The following PLXNA4 variants were observed in gnomAD, a reference collection of about 807,000 sequenced individuals.
PLXNA4 encodes plexin-A4.
Under a neutral mutation model 191.8 loss-of-function variants are expected in PLXNA4, and 44 were observed. That is an observed-to-expected ratio of 0.23 (90% CI 0.18 to 0.29). The LOEUF (loss-of-function observed/expected upper bound fraction) is 0.29. PLXNA4 is among the 10% of genes least tolerant of loss of function. The pLI is 1.00. For synonymous variants in PLXNA4, 1,082 were observed against 1,009.5 expected, an observed-to-expected ratio of 1.07 and a Z score of -1.36; for missense variants, 1,800 against 2,488.8, an observed-to-expected ratio of 0.72 and a Z score of 5.89.
intron 1 of PLXNA4, among the ~76,000 whole-genome samples, chr7:132,563,504 CCTCCTCCTCCTGCTG>C (rs1420182236): frequency 0.22 from 15,566 of 71,544 alleles, 3,661 homozygotes; most frequent in Non-Finnish European, 0.37. Flanking sequence ...TTCTCCTCCT[CCTCCTCCTCCTGCTG>C]CTCCTCCTCC....
chr7:132,417,389 C>T (rs1341565958), intron 3 of PLXNA4, among the ~76,000 whole-genome samples: 2 of 152,150 alleles, frequency 1.3e-5, no homozygotes, highest in Non-Finnish European at 2.9e-5. Flanking sequence ...ACCCTTGCTT[C>T]GTGGTTGTTC....
chr7:132,186,037 T>C (rs951545810), intron 15 of PLXNA4, among the ~76,000 whole-genome samples: 1 of 152,226 alleles, frequency 6.6e-6, no homozygotes, highest in Non-Finnish European at 1.5e-5. Context: ...TTAACACTAC[T>C]GATGCCAGGC....
At chr7:132,358,430 G>T (rs1803798671) in intron 3 of PLXNA4, among the ~76,000 whole-genome samples, 2 of 152,206 alleles carry the variant, frequency 1.3e-5, no homozygotes, top group South Asian at 4.1e-4. Flanking sequence ...TGTAGCTAGA[G>T]AGCAGTAGCT....
chr7:132,127,433 A>C lies in PLXNA4; in HGVS notation c.*3046T>G, dbSNP rs933157800. ...ACAGCCCCTGGATGTTTGCTCTGCCAGTGGGGTAAGGAAGATCCCTGGGGG... is the reference window on the plus strand; with the variant it reads ...ACAGCCCCTGGATGTTTGCTCTGCCCGTGGGGTAAGGAAGATCCCTGGGGG... On this transcript the variant is annotated 3_prime_UTR_variant, in exon 32 of 32. Transcript: ENST00000321063. 3 of 152,110 alleles carry C rather than the reference A, an allele frequency of 2.0e-5. No individual in the cohort carries two copies. The highest frequency in any genetic ancestry group is 7.2e-5 in the African/African-American group (3 of 41,400). 9.4% of individuals were successfully genotyped at this position (152,110 alleles called of 1,614,324 possible). A position where few individuals can be genotyped will look rare whatever the true frequency, so the allele number is the denominator to read the frequency against.
chr7:132,605,587 T>A (rs1802907439), intron 2 of PLXNA4, among the ~76,000 whole-genome samples: 1 of 151,788 alleles, frequency 6.6e-6, no homozygotes. Flanking sequence ...CCAGGCAGAG[T>A]TGGAACTTGG....
At chr7:132,315,753 G>T (rs879693004) in intron 3 of PLXNA4, among the ~76,000 whole-genome samples, 2 of 152,194 alleles carry the variant, frequency 1.3e-5, no homozygotes, top group Non-Finnish European at 2.9e-5. Context: ...TGAGCTGATT[G>T]TTAGGAGGAA....
intron 4 of PLXNA4, among the ~76,000 whole-genome samples, chr7:132,288,868 A>G (rs553602845): frequency 3.9e-5 from 6 of 152,290 alleles, no homozygotes; most frequent in African/African-American, 1.4e-4. Flanking sequence ...TAGACCTCCA[A>G]GACTGTCAGA....
At chr7:132,550,377 C>A (rs1029277880) in intron 1 of PLXNA4, among the ~76,000 whole-genome samples, 1 of 152,096 alleles carries the variant, frequency 6.6e-6, no homozygotes, top group African/African-American at 2.4e-5. Flanking sequence ...ACCCTTGATC[C>A]ATCAAAAAAA....
Position 132,241,154 on chromosome 7 carries a change from G to A in PLXNA4, c.1516C>T (p.Pro506Ser). ...TGATACTGACCACAGGACTCCACAG[G>A]GACTCTGGTGAGCTAGGACAGCAGG... is the stretch of plus-strand genomic sequence containing the variant. ...IMSERQLTRV[P>S]VESCGQYQSC... is the part of the protein sequence containing the mutation. The change falls in exon 5 of 32, where the codon CCT (proline) becomes TCT (serine). Residue 506 changes from proline to serine, a missense_variant. Coordinates refer to ENST00000321063, the MANE Select transcript of PLXNA4 (RefSeq NM_020911.2). 6.2e-7 allele frequency: 1 copy of A among 1,611,618 alleles called. No homozygotes were observed. Among genetic ancestry groups the A allele is most frequent in the South Asian group, 1.1e-5 (1 of 90,662 alleles).
chr7:132,254,696 G>C (rs190943281), intron 4 of PLXNA4, among the ~76,000 whole-genome samples: 36 of 152,328 alleles, frequency 2.4e-4, no homozygotes, highest in African/African-American at 7.9e-4. Context: ...TCTGCCAGGA[G>C]CTGACCCCAC....
chr7:132,579,401 T>C (rs1381789349), upstream of PLXNA4, among the ~76,000 whole-genome samples: 1 of 151,908 alleles, frequency 6.6e-6, no homozygotes, highest in Admixed American at 6.6e-5. Context: ...CTGATTGTCT[T>C]TTTCCTCCTC....
chr7:132,336,247 C>T (rs1454375410), intron 3 of PLXNA4, among the ~76,000 whole-genome samples: 1 of 152,162 alleles, frequency 6.6e-6, no homozygotes, highest in East Asian at 1.9e-4. Context: ...ATGTTAATGG[C>T]TCTGCTTCAT....
chr7:132,163,955 C>T (rs1187673365), intron 24 of PLXNA4, among the ~76,000 whole-genome samples, 187 bp downstream of exon 24: 2 of 152,254 alleles, frequency 1.3e-5, no homozygotes, highest in Non-Finnish European at 2.9e-5. Context: ...TCCAAATGCC[C>T]TGGTGAAACA....
rs372607490 is a variant in PLXNA4, at chr7:132,538,281, A to C, written c.-86-29502T>G. On this transcript the variant is annotated intron_variant, in intron 1 of 31. Transcript: ENST00000321063. ...GTCCTGGTGCTCCCGAAGCGGAGAC[A>C]CTCGGGCCCCATGAAGTTATATGAT... Among the ~76,000 whole-genome samples the C allele has an allele frequency of 4.6e-5, 7 of 152,204 alleles. No homozygotes were observed. The East Asian group carries it at 1.4e-3, about 29-fold the overall frequency.
intron 21 of PLXNA4, among the ~76,000 whole-genome samples, chr7:132,169,801 G>A (rs141197279): frequency 6.6e-6 from 1 of 151,994 alleles, no homozygotes; most frequent in Non-Finnish European, 1.5e-5. Flanking sequence ...AAAAGTCATC[G>A]AGCTGCACGC....
chr7:132,177,192 T>C (rs1341104530), intron 20 of PLXNA4, among the ~76,000 whole-genome samples: 1 of 152,130 alleles, frequency 6.6e-6, no homozygotes, highest in Non-Finnish European at 1.5e-5. Context: ...TGAGTGTGCA[T>C]GCATGTGTGC....
chr7:132,508,208 A>T lies in PLXNA4; in HGVS notation c.486T>A (p.Gly162=), dbSNP rs776008971. 1 of 1,614,128 alleles carries T rather than the reference A, an allele frequency of 6.2e-7. No homozygotes were observed. The highest frequency in any genetic ancestry group is 8.5e-7 in the Non-Finnish European group (1 of 1,180,028). The stretch of plus-strand genomic sequence containing the variant: ...CAAAGACTGAGCCGCTCTCGTTGAC[A>T]CCTGACAGATAGTGCTCCTTCTTAT... ...PYHKKEHYLS[G]VNESGSVFGV... Residue 162 remains glycine, a synonymous_variant, in exon 2 of 32, where the codon GGT becomes GGA. Transcript: ENST00000321063. This position sits in a 1 kb window ranked among gnomAD's most constrained non-coding sequence, Gnocchi z 4.4.
intron 15 of PLXNA4, 116 bp downstream of exon 15, chr7:132,187,355 C>G: frequency 6.8e-7 from 1 of 1,472,256 alleles, no homozygotes; most frequent in Non-Finnish European, 9.0e-7. Flanking sequence ...CAAGAAGAAC[C>G]TGTCAGGTGG....
rs1794817333 is a variant in PLXNA4 at position 132,127,928 on chromosome 7, A to G, written c.*2551T>C. 2 of 151,744 alleles carry G rather than the reference A, an allele frequency of 1.3e-5. No homozygotes were observed. Among genetic ancestry groups the G allele is most frequent in the Admixed American group, 1.3e-4 (2 of 15,234 alleles). 9.4% of individuals were successfully genotyped at this position (151,744 alleles called of 1,614,324 possible). A position where few individuals can be genotyped will look rare whatever the true frequency, so the allele number is the denominator to read the frequency against. On this transcript the variant is annotated 3_prime_UTR_variant, in exon 32 of 32. Transcript: ENST00000321063. ...TCCAGTAAAAAATAAAAGCTTCAGC[A>G]GAACCGTGATAAGTCTTTTTTCTTT...
Sources: gnomAD v4.1 joint callset for allele counts (sites outside exome capture counted in the v4.1 genomes callset) on GRCh38, gnomAD v4.1.1 for gene constraint, Gnocchi (gnomAD v3.1) non-coding constraint, MANE v1.5 for transcripts, NCBI Gene and HGNC (gene_info 2026-07-23, HGNC 2026-07-21) for gene names.